RGS6: variants seen among roughly 807,000 people sequenced by gnomAD.
RGS6 encodes regulator of G-protein signaling 6.
RGS6 carries 30 observed loss-of-function variants against 78.5 expected under a neutral mutation model. The observed-to-expected ratio is 0.38, with a 90% CI of 0.29 to 0.52. The LOEUF is 0.52. Ranked by LOEUF, RGS6 falls within the 20% of genes least tolerant of loss-of-function variation. RGS6 has a pLI of 0.85. For synonymous variants in RGS6, 206 were observed against 206.0 expected (o/e 1.00, Z 0.00); for missense variants, 495 against 609.7 (o/e 0.81, Z 1.98).
chr14:72,449,220 C>G (rs977537309), intron 3 of RGS6, among the ~76,000 whole-genome samples: 2 of 152,164 alleles, frequency 1.3e-5, no homozygotes, highest in African/African-American at 4.8e-5. Flanking sequence ...AAACATTTTA[C>G]TCAAAAGAAA....
intron 3 of RGS6, among the ~76,000 whole-genome samples, chr14:72,437,900 G>A (rs1489380850): frequency 6.6e-6 from 1 of 152,220 alleles, no homozygotes; most frequent in Non-Finnish European, 1.5e-5. Flanking sequence ...GTGATTTAGT[G>A]ATAGACAAGT....
Position 72,000,449 on chromosome 14 carries a change from G to A in RGS6, c.84+35574G>A, listed in dbSNP as rs2083215902. ...TGCTGAGGGGCAGAAACGGAAATAT[G>A]GAGTAGGCGATTGGAAATGTTGGCT... On this transcript the variant is annotated intron_variant, in intron 2 of 17. Coordinates refer to ENST00000553525, the MANE Select transcript of RGS6 (RefSeq NM_001204424.2). 2.0e-5 allele frequency among the ~76,000 whole-genome samples: 3 copies of A among 152,306 alleles called. No homozygotes were observed. In the South Asian group the frequency reaches 6.2e-4, roughly 32 times the overall value.
chr14:72,244,316 A>G (rs1013094239), intron 2 of RGS6, among the ~76,000 whole-genome samples: 1 of 150,242 alleles, frequency 6.7e-6, no homozygotes, highest in African/African-American at 2.5e-5. Context: ...CTTTTCTCAA[A>G]TGTCAACCCT....
intron 2 of RGS6, among the ~76,000 whole-genome samples, chr14:72,141,179 C>T (rs898848698): frequency 1.3e-5 from 2 of 152,104 alleles, no homozygotes; most frequent in African/African-American, 4.8e-5. Context: ...GTTTCTGGGG[C>T]CATTCACTGA....
chr14:72,042,460 A>T (rs1207742931), intron 2 of RGS6, among the ~76,000 whole-genome samples: 1 of 152,082 alleles, frequency 6.6e-6, no homozygotes, highest in Admixed American at 6.6e-5. Flanking sequence ...AACCTGATGA[A>T]TGCTTAGTAG....
At chr14:72,237,056 G>C (rs1429325189) in intron 2 of RGS6, among the ~76,000 whole-genome samples, 1 of 152,132 alleles carries the variant, frequency 6.6e-6, no homozygotes, top group Non-Finnish European at 1.5e-5. Context: ...ACTGTATACA[G>C]TTCTAGAATC....
At chr14:72,254,151 T>C (rs1039266572) in intron 2 of RGS6, among the ~76,000 whole-genome samples, 9 of 152,232 alleles carry the variant, frequency 5.9e-5, no homozygotes, top group Non-Finnish European at 8.8e-5. Flanking sequence ...TTTTCAAAGG[T>C]ATGAAATCAC....
intron 2 of RGS6, among the ~76,000 whole-genome samples, chr14:71,972,257 A>G (rs577473840): frequency 1.3e-5 from 2 of 152,146 alleles, no homozygotes; most frequent in African/African-American, 4.8e-5. Flanking sequence ...GTGAATACCA[A>G]GATCCAGAAT....
chr14:72,319,198 ACAAAT>A (rs1310137341), intron 2 of RGS6, among the ~76,000 whole-genome samples: 13 of 152,354 alleles, frequency 8.5e-5, no homozygotes, highest in African/African-American at 2.9e-4. Flanking sequence ...ATTCCAACAG[ACAAAT>A]CAAAAGATAA....
chr14:72,311,749 T>A (rs998157242), intron 2 of RGS6, among the ~76,000 whole-genome samples: 1 of 152,146 alleles, frequency 6.6e-6, no homozygotes, highest in Non-Finnish European at 1.5e-5. Flanking sequence ...CACTGTTGGG[T>A]TTTATTGCCA....
At chr14:72,101,700 AC>A (rs1485991797) in intron 2 of RGS6, among the ~76,000 whole-genome samples, 1 of 152,178 alleles carries the variant, frequency 6.6e-6, no homozygotes, top group Non-Finnish European at 1.5e-5. Flanking sequence ...GTTCCCAAGT[AC>A]CTTCTCTGCT....
chr14:72,550,474 C>T, intron 17 of RGS6: 1 of 1,535,678 alleles, frequency 6.5e-7, no homozygotes, highest in Non-Finnish European at 8.7e-7. Flanking sequence ...GACTGTCAAG[C>T]AAGGACCGAA....
intron 2 of RGS6, among the ~76,000 whole-genome samples, chr14:72,065,664 T>C (rs1162449165): frequency 6.6e-6 from 1 of 152,224 alleles, no homozygotes; most frequent in East Asian, 1.9e-4. Context: ...TTCAGATCTT[T>C]AACAAAGCTT....
chr14:71,958,715 G>A lies in RGS6; in HGVS notation c.-20-6057G>A, dbSNP rs772026606. ...CAGGCAGCATGGGATGGGAGGAAGG[G>A]ATCAAGTGAAGGGAAGGCAGGCTCC... is the stretch of plus-strand genomic sequence containing the variant. On this transcript the variant is annotated intron_variant, in intron 1 of 17. Transcript: ENST00000553525. Among the ~76,000 whole-genome samples the A allele has an allele frequency of 5.9e-5, 9 of 152,278 alleles. No homozygotes were observed. The South Asian group carries it at 1.2e-3, about 21-fold the overall frequency.
intron 2 of RGS6, among the ~76,000 whole-genome samples, chr14:72,193,666 G>A (rs139804845): frequency 4.6e-3 from 698 of 152,342 alleles, no homozygotes; most frequent in South Asian, 0.016. Context: ...CAGAGATAAA[G>A]TTTGGTGATG....
At chr14:72,567,481 C>G (rs1041701162), downstream of RGS6, among the ~76,000 whole-genome samples, 11 of 152,232 alleles carry the variant, frequency 7.2e-5, no homozygotes, top group Admixed American at 6.5e-5. Flanking sequence ...GAGCAGGGCT[C>G]TGCTTTCAGG....
chr14:72,553,525 T>C (rs2097533850), intron 17 of RGS6, among the ~76,000 whole-genome samples: 1 of 152,180 alleles, frequency 6.6e-6, no homozygotes, highest in Non-Finnish European at 1.5e-5. Context: ...CATTTCTTGG[T>C]GTCTCTGTTT....
Position 72,125,814 on chromosome 14 carries a change from C to T in RGS6, c.84+160939C>T, listed in dbSNP as rs577271461. Among the ~76,000 whole-genome samples, 15 of 152,238 alleles carry T rather than the reference C, an allele frequency of 9.9e-5. No individual in the cohort carries two copies. In the East Asian group the frequency reaches 1.2e-3, roughly 12 times the overall value. On this transcript the variant is annotated intron_variant, in intron 2 of 17. Transcript: ENST00000553525. ...GTTTTTGTCCTCTGATGTCAAAAGT[C>T]AACCAACAGACATTCATACAGGCCT...
the RGS6 span, among the ~76,000 whole-genome samples, chr14:71,907,713 G>T: frequency 1.3e-5 from 2 of 152,150 alleles, no homozygotes; most frequent in Non-Finnish European, 2.9e-5. Flanking sequence ...GGAAGAGCAG[G>T]CAGGAGGGTT....
Sources: allele counts gnomAD v4.1 joint callset (sites outside exome capture counted in the v4.1 genomes callset), GRCh38; gene constraint gnomAD v4.1.1; transcripts MANE v1.5; gene names NCBI Gene and HGNC (gene_info 2026-07-23, HGNC 2026-07-21).